The following CEP112 variants were observed in gnomAD, a reference collection of about 807,000 sequenced individuals.
CEP112 encodes centrosomal protein 112, also known as centrosomal protein of 112 kDa.
In CEP112, 127 loss-of-function variants were observed where a neutral mutation model predicts 153.0. The ratio of observed to expected loss-of-function variants is 0.83; its 90% CI spans 0.72 to 0.96. The LOEUF (loss-of-function observed/expected upper bound fraction) is 0.96. Among genes scored for constraint, CEP112 ranks in the 40% least tolerant of loss-of-function variants. The probability of loss-of-function intolerance (pLI) is 0.00; values close to 1 mark genes in which losing one functional copy is unlikely to be tolerated. For synonymous variants in CEP112, 358 were observed against 374.4 expected (o/e 0.96, Z 0.51); for missense variants, 1,089 against 1,101.2 (o/e 0.99, Z 0.16).
intron 23 of CEP112, among the ~76,000 whole-genome samples, chr17:65,700,931 A>G (rs1187417080): frequency 1.3e-5 from 2 of 152,230 alleles, no homozygotes; most frequent in Non-Finnish European, 2.9e-5. Flanking sequence ...ATCATTTGTA[A>G]AAAGTCCAGG....
chr17:65,640,173 T>TTTTTTTTG (rs1784908307), intron 25 of CEP112, among the ~76,000 whole-genome samples: 2 of 108,700 alleles, frequency 1.8e-5, no homozygotes, highest in Non-Finnish European at 3.8e-5. Flanking sequence ...TTTTTTTTTT[T>TTTTTTTTG]GAGACAGTCT....
In CEP112 at chr17:65,636,575, C is replaced by A. The variant is rs112755600; in HGVS notation, c.2864+549G>T. On this transcript the variant is annotated intron_variant, in intron 26 of 26. Transcript: ENST00000535342. ...AAGGCCTGGACCTGCCATGCCCCTG[C>A]AGATCCTTCCATCTTTCATCTTTCT... is the stretch of plus-strand genomic sequence containing the variant. 5.6e-3 allele frequency: 870 copies of A among 155,446 alleles called. 10 individuals carry two copies. Among genetic ancestry groups the A allele is most frequent in the African/African-American group, 0.02 (834 of 41,550 alleles). The allele number at this position is 155,446 out of a possible 1,614,324, so 9.6% of individuals were successfully genotyped here.
intron 18 of CEP112, among the ~76,000 whole-genome samples, chr17:65,937,554 C>A (rs1464734749): frequency 1.8e-5 from 2 of 113,262 alleles, no homozygotes; most frequent in South Asian, 4.3e-4. Context: ...GCCGCCCCGT[C>A]CGGGAGGGAG....
intron 25 of CEP112, among the ~76,000 whole-genome samples, chr17:65,640,155 T>TATATATATATATATATATATATATA (rs1491163281): frequency 2.1e-3 from 52 of 24,922 alleles, no homozygotes; most frequent in Non-Finnish European, 3.0e-3. Flanking sequence ...TATATATATA[T>TATATATATATATATATATATATATA]TTTTTTTTTT....
At chr17:66,064,887 T>C (rs988848952) in intron 10 of CEP112, among the ~76,000 whole-genome samples, 4 of 152,214 alleles carry the variant, frequency 2.6e-5, no homozygotes, top group Admixed American at 1.3e-4. Flanking sequence ...GAATTTATAA[T>C]TGCTTTTACC....
chr17:65,734,291 T>C (rs1321146453), intron 23 of CEP112, among the ~76,000 whole-genome samples: 10 of 152,172 alleles, frequency 6.6e-5, no homozygotes, highest in Non-Finnish European at 1.0e-4. Context: ...CATGGGATCA[T>C]AGAGAACATG....
chr17:65,879,445 C>A (rs2058973522), intron 20 of CEP112, among the ~76,000 whole-genome samples: 1 of 152,174 alleles, frequency 6.6e-6, no homozygotes, highest in Admixed American at 6.5e-5. Flanking sequence ...CACCTTCAGA[C>A]CTGTAAATTA....
Position 65,811,080 on chromosome 17 carries a change from G to C in CEP112, c.2394+40724C>G, listed in dbSNP as rs143006267. On this transcript the variant is annotated intron_variant, in intron 21 of 26. Transcript: ENST00000535342. ...ACTGGGAAAATGAATTAACATTGCA[G>C]TGCTGAGGGCTCTTTGGCCTTACGT... Among the ~76,000 whole-genome samples the C allele has an allele frequency of 1.1e-3, 162 of 152,324 alleles. 1 individual carries two copies. The Middle Eastern group carries it at 0.02, about 19-fold the overall frequency.
chr17:66,166,038 T>C (rs1370465067), intron 4 of CEP112, among the ~76,000 whole-genome samples: 3 of 152,204 alleles, frequency 2.0e-5, no homozygotes, highest in African/African-American at 7.2e-5. Flanking sequence ...CTTACAGGTA[T>C]GAACACATGT....
chr17:66,107,185 T>A (rs917992257), intron 6 of CEP112, among the ~76,000 whole-genome samples: 7 of 152,054 alleles, frequency 4.6e-5, no homozygotes, highest in African/African-American at 1.7e-4. Flanking sequence ...ACAGCTCATA[T>A]CTATATTGAA....
At chr17:65,695,317 G>A (rs1435670969) in intron 23 of CEP112, among the ~76,000 whole-genome samples, 1 of 152,208 alleles carries the variant, frequency 6.6e-6, no homozygotes, top group African/African-American at 2.4e-5. Flanking sequence ...TCTTCAGGGT[G>A]AGGAAAAGGA....
intron 17 of CEP112, among the ~76,000 whole-genome samples, chr17:65,970,008 G>A (rs928844636): frequency 6.6e-6 from 1 of 152,112 alleles, no homozygotes; most frequent in Admixed American, 6.5e-5. Flanking sequence ...CATATCACAT[G>A]TGTATTGCGA....
At chr17:65,677,571 C>T (rs4293413) in intron 24 of CEP112, among the ~76,000 whole-genome samples, 8,176 of 152,204 alleles carry the variant, frequency 0.054, 638 homozygotes, top group East Asian at 0.41. Context: ...AATCAACTTT[C>T]TTTCCTTGTT....
intron 21 of CEP112, among the ~76,000 whole-genome samples, chr17:65,767,936 C>G (rs2053092268): frequency 6.6e-6 from 1 of 151,960 alleles, no homozygotes; most frequent in African/African-American, 2.4e-5. Context: ...TGAATTCTAC[C>G]AAACTTTCAA....
intron 23 of CEP112, among the ~76,000 whole-genome samples, chr17:65,703,876 G>C (rs141777370): frequency 6.6e-6 from 1 of 151,196 alleles, no homozygotes; most frequent in African/African-American, 2.4e-5. Flanking sequence ...TAATGATTCC[G>C]AAGGCTTCCC....
chr17:65,663,308 T>G (rs192928850), intron 24 of CEP112, among the ~76,000 whole-genome samples: 38 of 152,340 alleles, frequency 2.5e-4, no homozygotes, highest in Admixed American at 5.9e-4. Flanking sequence ...AAAGGGTTGT[T>G]GTATTGTAAA....
At chr17:65,968,458 C>A (rs775100901) in intron 17 of CEP112, among the ~76,000 whole-genome samples, 2 of 152,098 alleles carry the variant, frequency 1.3e-5, no homozygotes, top group African/African-American at 4.8e-5. Flanking sequence ...GTGACAGAAG[C>A]TTTTCTGCTC....
intron 21 of CEP112, among the ~76,000 whole-genome samples, chr17:65,786,672 G>A (rs969413579): frequency 1.8e-4 from 26 of 141,214 alleles, no homozygotes; most frequent in Admixed American, 5.3e-4. Context: ...CTGCAGATTT[G>A]ATCTCCTGGG....
chr17:66,045,746 T>C (rs1268691213), intron 12 of CEP112, among the ~76,000 whole-genome samples: 1 of 152,248 alleles, frequency 6.6e-6, no homozygotes. Flanking sequence ...ATTTATTTCT[T>C]ACTGGGAGTC....
Sources: gnomAD v4.1 joint callset for allele counts (sites outside exome capture counted in the v4.1 genomes callset) on GRCh38, gnomAD v4.1.1 for gene constraint, MANE v1.5 for transcripts, NCBI Gene and HGNC (gene_info 2026-07-23, HGNC 2026-07-21) for gene names.